The following ZFHX4 variants were observed in gnomAD, a reference collection of about 807,000 sequenced individuals.
ZFHX4 encodes the protein zinc finger homeobox 4.
A neutral mutation model predicts 267.6 loss-of-function variants in ZFHX4; 56 were observed. The ratio of observed to expected loss-of-function variants is 0.21; its 90% confidence interval spans 0.17 to 0.26. The LOEUF (loss-of-function observed/expected upper bound fraction) is 0.26. ZFHX4 is among the 10% of genes least tolerant of loss of function. ZFHX4 has a pLI of 1.00. For synonymous variants in ZFHX4, 1,778 were observed against 1,665.6 expected (o/e 1.07, Z -1.64); for missense variants, 4,332 against 4,420.0 (o/e 0.98, Z 0.56).
chr8:76,859,349 A>AT (rs199958118), intron 10 of ZFHX4, among the ~76,000 whole-genome samples: 1 of 151,904 alleles, frequency 6.6e-6, no homozygotes, highest in Admixed American at 6.6e-5. Flanking sequence ...AGGATGAATT[A>AT]TTTTTTTCTT....
In ZFHX4 at chr8:76,704,057, G is replaced by A; in HGVS notation, c.-32G>A. ...TTTTTATCCAGGTCCCTGACAGGCT[G>A]GATGAAATGAGATCCCCATGTAGCA... On this transcript the variant is annotated 5_prime_UTR_variant, in exon 2 of 11. Transcript: ENST00000651372. 1 of 1,560,972 alleles carries A rather than the reference G, an allele frequency of 6.4e-7. No individual in the cohort carries two copies. The highest frequency in any genetic ancestry group is 8.6e-7 in the Non-Finnish European group (1 of 1,156,156).
chr8:76,784,495 C>G (rs1255734330), intron 4 of ZFHX4, among the ~76,000 whole-genome samples: 3 of 151,984 alleles, frequency 2.0e-5, no homozygotes, highest in South Asian at 2.1e-4. Context: ...TGTCATTGCT[C>G]TAGCCATGGG....
At chr8:76,691,681 C>A (rs943688727) in intron 1 of ZFHX4, among the ~76,000 whole-genome samples, 1 of 152,066 alleles carries the variant, frequency 6.6e-6, no homozygotes, top group Non-Finnish European at 1.5e-5. Context: ...GTTATGGGTG[C>A]CCTTGTCCAA....
chr8:76,859,938 G>A (rs1250930936), intron 10 of ZFHX4, among the ~76,000 whole-genome samples: 2 of 152,072 alleles, frequency 1.3e-5, no homozygotes, highest in African/African-American at 4.8e-5. Context: ...CCAACAAAAT[G>A]ATGGTAGTAT....
rs1216622472 is a variant in ZFHX4 at position 76,865,351 on chromosome 8, A to G, written c.*786A>G. Reference sequence around the variant, plus strand: ...TCATTCTTTTTTTCTGAAAGAGGTAATAATTCTAGTTTTGATAGACTCTGA... The same window carrying G: ...TCATTCTTTTTTTCTGAAAGAGGTAGTAATTCTAGTTTTGATAGACTCTGA... On this transcript the variant is annotated 3_prime_UTR_variant, in exon 11 of 11. Transcript: ENST00000651372. 1.3e-5 allele frequency: 2 copies of G among 152,616 alleles called. No individual in the cohort carries two copies. The highest frequency in any genetic ancestry group is 2.9e-5 in the Non-Finnish European group (2 of 68,026). 9.5% of individuals were successfully genotyped at this position (152,616 alleles called of 1,614,324 possible).
In ZFHX4 at chr8:76,863,999, G is replaced by C. The variant is rs1384583994; in HGVS notation, c.10285G>C (p.Gly3429Arg). The change falls in exon 11 of 11, where the codon GGT becomes CGT. Residue 3429 changes from glycine to arginine, a missense_variant. Coordinates refer to ENST00000651372, the MANE Select transcript of ZFHX4 (RefSeq NM_024721.5). ...TCATCAAAAGTCCTTCTGTTATTTCGGTCAGCCTTTGATTGACCCACAAGA... is the reference window on the plus strand; with the variant it reads ...TCATCAAAAGTCCTTCTGTTATTTCCGTCAGCCTTTGATTGACCCACAAGA... ...VNHQKSFCYF[G>R]QPLIDPQETV... 1.2e-6 allele frequency: 2 copies of C among 1,613,618 alleles called. No homozygotes were observed. Among genetic ancestry groups the C allele is most frequent in the Non-Finnish European group, 1.7e-6 (2 of 1,179,786 alleles).
chr8:76,784,172 T>C (rs1001249096), intron 4 of ZFHX4, among the ~76,000 whole-genome samples: 4 of 152,058 alleles, frequency 2.6e-5, no homozygotes, highest in East Asian at 1.9e-4. Context: ...AATTGTAGAA[T>C]TGATAATTCA....
At chr8:76,710,640 G>A (rs923089506) in intron 3 of ZFHX4, among the ~76,000 whole-genome samples, 1 of 152,126 alleles carries the variant, frequency 6.6e-6, no homozygotes, top group South Asian at 2.1e-4. Context: ...ACATTAAGGG[G>A]AAGTGACAAG....
intron 3 of ZFHX4, among the ~76,000 whole-genome samples, chr8:76,776,457 C>T (rs1370781935): frequency 1.3e-5 from 2 of 152,046 alleles, no homozygotes; most frequent in East Asian, 1.9e-4. Context: ...CTTGTCTCTT[C>T]CCTTTTGGAC....
At chr8:76,732,062 GA>G (rs1323599312) in intron 3 of ZFHX4, among the ~76,000 whole-genome samples, 1 of 151,872 alleles carries the variant, frequency 6.6e-6, no homozygotes, top group Non-Finnish European at 1.5e-5. Flanking sequence ...GGCTGGTCTT[GA>G]ACTCCTGACC....
chr8:76,747,620 C>A (rs909615602), intron 3 of ZFHX4, among the ~76,000 whole-genome samples: 2 of 152,088 alleles, frequency 1.3e-5, no homozygotes, highest in African/African-American at 4.8e-5. Context: ...CTTAATAGAG[C>A]AGTAGGTGTT....
At chr8:76,808,410 T>G (rs1201586833) in intron 4 of ZFHX4, among the ~76,000 whole-genome samples, 3 of 152,150 alleles carry the variant, frequency 2.0e-5, no homozygotes, top group Admixed American at 6.6e-5. Context: ...ATTTCTATCC[T>G]TTCTTTGTGT....
At chr8:76,759,916 A>G (rs1809865622) in intron 3 of ZFHX4, among the ~76,000 whole-genome samples, 1 of 152,186 alleles carries the variant, frequency 6.6e-6, no homozygotes, top group African/African-American at 2.4e-5. Flanking sequence ...AAATGATCTA[A>G]GTGATCAACT....
chr8:76,740,091 A>G (rs1314133499), intron 3 of ZFHX4, among the ~76,000 whole-genome samples: 1 of 152,174 alleles, frequency 6.6e-6, no homozygotes, highest in African/African-American at 2.4e-5. Flanking sequence ...AGAATTGTTG[A>G]ATGCTAGGTA....
At chr8:76,684,740 T>G (rs1291466600) in intron 1 of ZFHX4, among the ~76,000 whole-genome samples, 2 of 152,248 alleles carry the variant, frequency 1.3e-5, no homozygotes, top group Admixed American at 6.5e-5. Flanking sequence ...ACATGTTCAG[T>G]GCTTTTGTAA....
Position 76,853,041 on chromosome 8 carries a change from C to G in ZFHX4, c.6120C>G (p.Pro2040=). 7.4e-7 allele frequency: 1 copy of G among 1,342,324 alleles called. No individual in the cohort carries two copies. The highest frequency in any genetic ancestry group is 1.3e-5 in the South Asian group (1 of 79,534). The allele number at this position is 1,342,324 out of a possible 1,614,324, so 83.2% of individuals were successfully genotyped here. The change falls in exon 10 of 11, where the codon CCC becomes CCG. Residue 2040 remains proline, a synonymous_variant. Coordinates refer to ENST00000651372, the MANE Select transcript of ZFHX4 (RefSeq NM_024721.5). The part of the protein sequence containing the change: ...TVSTPLQAPP[P]TPPPPPPPPP... ...CTACTCCTCTGCAAGCTCCACCACC[C>G]ACTCCTCCCCCACCACCACCACCTC...
chr8:76,856,280 G>A lies in ZFHX4; in HGVS notation c.9359G>A (p.Gly3120Glu). The part of the protein sequence containing the change: ...PGMNGPSSLP[G>E]FPQNSNTLTP... The stretch of plus-strand genomic sequence containing the variant: ...ATGAACGGTCCATCCTCCTTGCCGG[G>A]ATTTCCACAAAATTCAAACAGTAAG... The change falls in exon 10 of 11, where the codon GGA becomes GAA. Residue 3120 changes from glycine (G) to glutamate (E), a missense_variant. Gly to Glu is a moderately conservative substitution (Grantham distance 98, BLOSUM62 -2). Coordinates refer to ENST00000651372, the MANE Select transcript of ZFHX4 (RefSeq NM_024721.5). The A allele has an allele frequency of 6.2e-7, 1 of 1,613,824 alleles. No individual in the cohort carries two copies. The highest frequency in any genetic ancestry group is 8.5e-7 in the Non-Finnish European group (1 of 1,179,838).
intron 4 of ZFHX4, among the ~76,000 whole-genome samples, chr8:76,803,713 A>C (rs1811176011): frequency 6.6e-6 from 1 of 152,144 alleles, no homozygotes; most frequent in African/African-American, 2.4e-5. Flanking sequence ...CCTGAAGTCA[A>C]TATAAATAGG....
At chr8:76,800,041 C>T (rs559043915) in intron 4 of ZFHX4, among the ~76,000 whole-genome samples, 5 of 151,902 alleles carry the variant, frequency 3.3e-5, no homozygotes, top group East Asian at 1.9e-4. Context: ...TCAGAAAGCG[C>T]GTGTGTCAGA....
Sources: gnomAD v4.1 joint callset for allele counts (sites outside exome capture counted in the v4.1 genomes callset) on GRCh38, gnomAD v4.1.1 for gene constraint, MANE v1.5 for transcripts, NCBI Gene and HGNC (gene_info 2026-07-23, HGNC 2026-07-21) for gene names.